The following PADI4 variants were observed in gnomAD, a reference collection of about 807,000 sequenced individuals.
PADI4 encodes the protein peptidyl arginine deiminase 4, also known as protein-arginine deiminase type-4.
In PADI4, 62 loss-of-function variants were observed where a neutral mutation model predicts 75.0. The observed-to-expected ratio is 0.83, with a 90% CI of 0.67 to 1.02. The LOEUF is 1.02. PADI4 is among the 50% of genes least tolerant of loss of function. PADI4 has a pLI of 0.00. For missense variants in PADI4, 845 were observed against 850.5 expected (o/e 0.99, Z 0.08); for synonymous variants, 361 against 348.1 (o/e 1.04, Z -0.41).
At position 17,358,748 on chromosome 1, in the gene PADI4, G is replaced by A. The variant is rs2074802081; in HGVS notation, c.1559-90G>A. On this transcript the variant is annotated intron_variant, in intron 13 of 15. Coordinates refer to ENST00000375448, the MANE Select transcript of PADI4 (RefSeq NM_012387.3). Reference sequence around the variant, plus strand: ...TATTACTGACTCCATTTTATAGATGGGAACACTGAGTCCCCCCCCGGCACT... The same window carrying A: ...TATTACTGACTCCATTTTATAGATGAGAACACTGAGTCCCCCCCCGGCACT... The A allele has an allele frequency of 1.2e-5, 10 of 801,572 alleles. No homozygotes were observed. In the East Asian group the frequency reaches 2.7e-4, roughly 21 times the overall value. 49.7% of individuals were successfully genotyped at this position (801,572 alleles called of 1,614,324 possible). A position where few individuals can be genotyped will look rare whatever the true frequency, so the allele number is the denominator to read the frequency against.
At chr1:17,328,236 C>T (rs2074147108) in intron 1 of PADI4, among the ~76,000 whole-genome samples, 1 of 152,114 alleles carries the variant, frequency 6.6e-6, no homozygotes, top group Non-Finnish European at 1.5e-5. Context: ...GTTGCCCAGG[C>T]TGGTCTCAAA....
rs1185499840 is a variant in PADI4, at chr1:17,316,728, AATTAAAAT to A, written c.92+8416_92+8423del. Among the ~76,000 whole-genome samples, 586 of 148,686 alleles carry A rather than the reference AATTAAAAT, an allele frequency of 3.9e-3. 6 individuals carry two copies. The highest frequency in any genetic ancestry group is 0.014 in the African/African-American group (561 of 39,680). On this transcript the variant is annotated intron_variant, in intron 1 of 15. Transcript: ENST00000375448. ...AAATAAATTAATTAATTAATTAATT[AATTAAAAT>A]AAATAAATAAATAAAATAACACCCC...
In PADI4 at chr1:17,363,526, A is replaced by G; in HGVS notation, c.1763A>G (p.Asn588Ser). The change falls in exon 16 of 16, where the codon AAC becomes AGC. Residue 588 changes from asparagine to serine, a missense_variant. Coordinates refer to ENST00000375448, the MANE Select transcript of PADI4 (RefSeq NM_012387.3). ...TGAACCCTCACTTCCCTGCAGGTGA[A>G]CATGCTGGTGCTAGGGAAGCACCTG... ...KAEAFFPNMVNMLVLGKHLGI... is the reference protein window; with the variant it reads ...KAEAFFPNMVSMLVLGKHLGI... 1.2e-6 allele frequency: 2 copies of G among 1,610,984 alleles called. No individual in the cohort carries two copies. Among genetic ancestry groups the G allele is most frequent in the Non-Finnish European group, 1.7e-6 (2 of 1,177,642 alleles).
intron 1 of PADI4, among the ~76,000 whole-genome samples, chr1:17,312,929 C>T (rs1056796284): frequency 1.1e-4 from 16 of 150,914 alleles, no homozygotes; most frequent in African/African-American, 3.2e-4. Flanking sequence ...TGGTGGCTCA[C>T]GCCTGTAATC....
At chr1:17,338,376 T>TCCTGATGCCTC (rs1553146565) in intron 5 of PADI4, among the ~76,000 whole-genome samples, 1 of 152,190 alleles carries the variant, frequency 6.6e-6, no homozygotes, top group East Asian at 1.9e-4. Flanking sequence ...CAGTGCTGTC[T>TCCTGATGCCTC]CCTGATGCCT....
rs1374797130 is a variant in PADI4 at position 17,316,223 on chromosome 1, G to A, written c.92+7909G>A. On this transcript the variant is annotated intron_variant, in intron 1 of 15. Coordinates refer to ENST00000375448, the MANE Select transcript of PADI4 (RefSeq NM_012387.3). The stretch of plus-strand genomic sequence containing the variant: ...AGCCTGGTCAACATGGCGAAACCCC[G>A]TCTCTACTAAAAATACAAAAATTAG... 3.3e-5 allele frequency among the ~76,000 whole-genome samples: 5 copies of A among 151,770 alleles called. No individual in the cohort carries two copies. In the East Asian group the frequency reaches 5.8e-4, roughly 18 times the overall value.
chr1:17,317,718 GC>G (rs1453133573), intron 1 of PADI4, among the ~76,000 whole-genome samples: 1 of 152,108 alleles, frequency 6.6e-6, no homozygotes, highest in African/African-American at 2.4e-5. Flanking sequence ...CATCTGGAGA[GC>G]GTGTTAAAAC....
In PADI4 at chr1:17,356,121, C is replaced by T. The variant is rs981331064; in HGVS notation, c.1449C>T (p.Asp483=). The stretch of plus-strand genomic sequence containing the variant: ...TCCTGAGCTTTGTGCCAGCACCCGA[C>T]AGGAAGGTACAGTCTTGGGGGCTGC... ...DEFLSFVPAP[D]RKGFRLLLAS... The change falls in exon 12 of 16, where the codon GAC becomes GAT. Residue 483 remains aspartate, a synonymous_variant. Transcript: ENST00000375448. This position sits in a 1 kb window ranked among gnomAD's most constrained non-coding sequence, Gnocchi z 4.1. 6.2e-7 allele frequency: 1 copy of T among 1,613,996 alleles called. No homozygotes were observed. The highest frequency in any genetic ancestry group is 8.5e-7 in the Non-Finnish European group (1 of 1,179,992).
At chr1:17,362,351 CAAAAAA>C (rs34897407) in intron 15 of PADI4, among the ~76,000 whole-genome samples, 2 of 107,362 alleles carry the variant, frequency 1.9e-5, no homozygotes, top group African/African-American at 3.6e-5. Context: ...GACCCTGTCT[CAAAAAA>C]AAAAAAAAAA....
chr1:17,345,173 T>C (rs2074492893), intron 8 of PADI4, among the ~76,000 whole-genome samples: 3 of 152,234 alleles, frequency 2.0e-5, no homozygotes, highest in Admixed American at 2.0e-4. Context: ...TTGACTGCCC[T>C]GCTGGATTTT....
At chr1:17,354,267 CAGATTTGTTTTATG>C (rs139065059) in intron 10 of PADI4, among the ~76,000 whole-genome samples, 2,100 of 152,090 alleles carry the variant, frequency 0.014, 32 homozygotes, top group Non-Finnish European at 0.022. Flanking sequence ...TGATGTTTTA[CAGATTTGTTTTATG>C]CCCAAGTTAA....
intron 1 of PADI4, among the ~76,000 whole-genome samples, 191 bp from the exon 2 acceptor site, chr1:17,330,778 C>A (rs2074196166): frequency 6.6e-6 from 1 of 152,196 alleles, no homozygotes; most frequent in Admixed American, 6.5e-5. Context: ...CTCTCCCAGT[C>A]CACTGACTCA....
rs1337040889 is a variant in PADI4, at chr1:17,342,366, C to A, written c.899C>A (p.Pro300His). 3 of 1,613,828 alleles carry A rather than the reference C, an allele frequency of 1.9e-6. No homozygotes were observed. The change falls in exon 8 of 16, where the codon CCC becomes CAC. Residue 300 changes from proline to histidine, a missense_variant. Coordinates refer to ENST00000375448, the MANE Select transcript of PADI4 (RefSeq NM_012387.3). The part of the protein sequence containing the change: ...VFRVAPWIMT[P>H]NTQPPQEVYA... ...CGCGTGGCGCCCTGGATCATGACCC[C>A]CAACACCCAGCCCCCGCAGGAGGTG... is the stretch of plus-strand genomic sequence containing the variant.
At chr1:17,318,457 G>GA (rs2073977770) in intron 1 of PADI4, among the ~76,000 whole-genome samples, 2 of 152,156 alleles carry the variant, frequency 1.3e-5, no homozygotes, top group Non-Finnish European at 2.9e-5. Flanking sequence ...ACCAACTCAG[G>GA]CAACAGTGTC....
chr1:17,316,174 A>G (rs2073929800), intron 1 of PADI4, among the ~76,000 whole-genome samples: 1 of 152,022 alleles, frequency 6.6e-6, no homozygotes, highest in South Asian at 2.1e-4. Flanking sequence ...TGGGCTGATC[A>G]CATGAGGCCA....
At chr1:17,332,421 A>AT (rs1202318506) in intron 2 of PADI4, among the ~76,000 whole-genome samples, 3 of 151,242 alleles carry the variant, frequency 2.0e-5, no homozygotes, top group Non-Finnish European at 2.9e-5. Flanking sequence ...TAATTTTTGT[A>AT]TTTTTTTTAG....
At chr1:17,340,638 G>A (rs2074400775) in intron 6 of PADI4, among the ~76,000 whole-genome samples, 2 of 151,770 alleles carry the variant, frequency 1.3e-5, no homozygotes, top group African/African-American at 4.8e-5. Context: ...GGGTGGAAGA[G>A]ACAGGGCAGA....
chr1:17,354,439 C>T, intron 10 of PADI4, 94 bp from the exon 11 acceptor site: 3 of 1,071,516 alleles, frequency 2.8e-6, no homozygotes, highest in Admixed American at 1.7e-5. Context: ...TGAGTTACTT[C>T]CTGTGCCCAA....
At chr1:17,349,901 T>C (rs2100215458) in intron 10 of PADI4, among the ~76,000 whole-genome samples, 1 of 124,032 alleles carries the variant, frequency 8.1e-6, no homozygotes, top group South Asian at 3.2e-4. Flanking sequence ...TCTTCAAACT[T>C]GCCTAACGTT....
Sources: gnomAD v4.1 joint callset for allele counts (sites outside exome capture counted in the v4.1 genomes callset) on GRCh38, gnomAD v4.1.1 for gene constraint, Gnocchi (gnomAD v3.1) non-coding constraint, MANE v1.5 for transcripts, NCBI Gene and HGNC (gene_info 2026-07-23, HGNC 2026-07-21) for gene names.